The following PRKCA variants were observed in gnomAD, a reference collection of about 807,000 sequenced individuals.
The protein encoded by PRKCA is protein kinase C alpha type.
In PRKCA, 27 loss-of-function variants were observed where a neutral mutation model predicts 87.0. The ratio of observed to expected loss-of-function variants is 0.31; its 90% CI spans 0.23 to 0.43. The LOEUF is 0.43. PRKCA is among the 20% of genes least tolerant of loss of function. The pLI, the probability that PRKCA is intolerant of heterozygous loss-of-function variation, is 1.00. For missense variants in PRKCA, 518 were observed against 852.3 expected (o/e 0.61, Z 4.88); for synonymous variants, 329 against 311.1 (o/e 1.06, Z -0.61).
intron 13 of PRKCA, among the ~76,000 whole-genome samples, chr17:66,767,827 A>G (rs1974844447): frequency 6.6e-6 from 1 of 152,108 alleles, no homozygotes; most frequent in African/African-American, 2.4e-5. Flanking sequence ...AGCAGAGGAG[A>G]TTATGAAATG....
rs549435955 is a variant in PRKCA at position 66,448,194 on chromosome 17, T to C, written c.206-48007T>C. On this transcript the variant is annotated intron_variant, in intron 2 of 16. Transcript: ENST00000413366. The stretch of plus-strand genomic sequence containing the variant: ...TTGATATCGTGCTGTTATTTTGTTT[T>C]GTTGATAACATAGTGTGGACTTTGT... Among the ~76,000 whole-genome samples the C allele has an allele frequency of 1.7e-4, 26 of 152,346 alleles. No individual in the cohort carries two copies. In the South Asian group the frequency reaches 2.9e-3, roughly 17 times the overall value.
At position 66,804,937 on chromosome 17, in the gene PRKCA, C is replaced by T; in HGVS notation, c.*900C>T. 31 of 951,882 alleles carry T rather than the reference C, an allele frequency of 3.3e-5. No homozygotes were observed. Among genetic ancestry groups the T allele is most frequent in the Non-Finnish European group, 3.9e-5 (31 of 799,094 alleles). 59.0% of individuals were successfully genotyped at this position (951,882 alleles called of 1,614,324 possible). A position where few individuals can be genotyped will look rare whatever the true frequency, so the allele number is the denominator to read the frequency against. ...CACCCCCACACACACCAACATTTTG[C>T]TGCCTACCTTGTTATCCTTCTCAAG... On this transcript the variant is annotated 3_prime_UTR_variant, in exon 17 of 17. Transcript: ENST00000413366.
intron 2 of PRKCA, among the ~76,000 whole-genome samples, chr17:66,410,557 T>C (rs1911724188): frequency 6.6e-6 from 1 of 152,158 alleles, no homozygotes; most frequent in South Asian, 2.1e-4. Flanking sequence ...TCATTGACAT[T>C]GTTAGGTAGT....
At chr17:66,472,063 G>A (rs1915349400) in intron 2 of PRKCA, among the ~76,000 whole-genome samples, 1 of 152,188 alleles carries the variant, frequency 6.6e-6, no homozygotes, top group African/African-American at 2.4e-5. Flanking sequence ...CTGGGCTCAA[G>A]CAGTCCTTTC....
intron 2 of PRKCA, among the ~76,000 whole-genome samples, chr17:66,370,781 C>A (rs1411513075): frequency 6.6e-6 from 1 of 152,032 alleles, no homozygotes; most frequent in African/African-American, 2.4e-5. Flanking sequence ...AACTCCTGGA[C>A]TCAAGCGATC....
At chr17:66,334,280 CTG>C (rs1906525717) in intron 2 of PRKCA, among the ~76,000 whole-genome samples, 1 of 151,940 alleles carries the variant, frequency 6.6e-6, no homozygotes, top group South Asian at 2.1e-4. Context: ...ACCAAAAAAA[CTG>C]TAATATAGTA....
At chr17:66,441,673 C>T (rs753401221) in intron 2 of PRKCA, among the ~76,000 whole-genome samples, 2 of 152,134 alleles carry the variant, frequency 1.3e-5, no homozygotes, top group African/African-American at 2.4e-5. Flanking sequence ...AAAGGAGGCA[C>T]GGATAGCTGC....
At chr17:66,668,890 G>A (rs567250952) in intron 5 of PRKCA, among the ~76,000 whole-genome samples, 144 of 152,172 alleles carry the variant, frequency 9.5e-4, no homozygotes, top group African/African-American at 3.4e-3. Flanking sequence ...ATCACTTGAG[G>A]CCAGAAGTTT....
intron 2 of PRKCA, among the ~76,000 whole-genome samples, chr17:66,463,625 G>C (rs1914957453): frequency 6.6e-6 from 1 of 152,154 alleles, no homozygotes; most frequent in South Asian, 2.1e-4. Context: ...TCGATCTCCT[G>C]ACCTCATGAT....
intron 8 of PRKCA, among the ~76,000 whole-genome samples, chr17:66,719,651 CA>C (rs1441677560): frequency 6.6e-6 from 1 of 152,220 alleles, no homozygotes; most frequent in Non-Finnish European, 1.5e-5. Flanking sequence ...CCTGTAATCC[CA>C]GCTACTCAGG....
chr17:66,713,218 A>AT (rs1027703407), intron 8 of PRKCA, among the ~76,000 whole-genome samples: 2 of 151,736 alleles, frequency 1.3e-5, no homozygotes, highest in Admixed American at 6.6e-5. Context: ...TGCCCGGCCA[A>AT]TTTTTTTACT....
intron 2 of PRKCA, chr17:66,398,255 G>A (rs762049656): frequency 1.3e-5 from 2 of 152,146 alleles, no homozygotes; most frequent in Non-Finnish European, 1.5e-5. Flanking sequence ...TCAGAGTAAC[G>A]CTTAAAACCA....
chr17:66,612,292 A>C (rs963402701), intron 3 of PRKCA, among the ~76,000 whole-genome samples: 1 of 150,568 alleles, frequency 6.6e-6, no homozygotes, highest in African/African-American at 2.5e-5. Context: ...GAGGCAGGAG[A>C]ATTGCTTGAA....
intron 8 of PRKCA, among the ~76,000 whole-genome samples, chr17:66,716,624 T>G (rs934170865): frequency 1.4e-4 from 21 of 151,712 alleles, no homozygotes; most frequent in Admixed American, 5.9e-4. Flanking sequence ...AGATTAGCGA[T>G]CCTAACAGAT....
chr17:66,710,385 T>C (rs918790799), intron 8 of PRKCA, among the ~76,000 whole-genome samples: 4 of 151,496 alleles, frequency 2.6e-5, no homozygotes, highest in African/African-American at 7.4e-5. Flanking sequence ...TAGCACTTCC[T>C]GTGTGTAACA....
chr17:66,487,589 A>G (rs1916039293), intron 2 of PRKCA, among the ~76,000 whole-genome samples: 2 of 152,044 alleles, frequency 1.3e-5, no homozygotes, highest in Non-Finnish European at 2.9e-5. Context: ...TGTTTGGGAG[A>G]GTCCATAGTG....
Position 66,619,487 on chromosome 17 carries a change from C to A in PRKCA, c.289-21868C>A, listed in dbSNP as rs189613793. Among the ~76,000 whole-genome samples the A allele has an allele frequency of 2.5e-3, 384 of 152,318 alleles. 6 individuals carry two copies. The highest frequency in any genetic ancestry group is 6.0e-4 in the Non-Finnish European group (41 of 68,028). The stretch of plus-strand genomic sequence containing the variant: ...AAGGAAGTGACAGTTGGATGCCTGG[C>A]ACTTTCACATGGCCTATTTTCCCCA... On this transcript the variant is annotated intron_variant, in intron 3 of 16. Transcript: ENST00000413366.
intron 2 of PRKCA, among the ~76,000 whole-genome samples, chr17:66,326,603 A>G (rs938948679): frequency 6.6e-6 from 1 of 152,218 alleles, no homozygotes; most frequent in Non-Finnish European, 1.5e-5. Context: ...CTAGGAGCGC[A>G]GACAACTCAG....
chr17:66,726,882 G>T (rs762620837), intron 8 of PRKCA, among the ~76,000 whole-genome samples: 9 of 152,042 alleles, frequency 5.9e-5, no homozygotes, highest in Admixed American at 3.9e-4. Context: ...CCACCACCAC[G>T]TTGGCTAATT....
Sources: gnomAD v4.1 joint callset for allele counts (sites outside exome capture counted in the v4.1 genomes callset) on GRCh38, gnomAD v4.1.1 for gene constraint, MANE v1.5 for transcripts, NCBI Gene and HGNC (gene_info 2026-07-23, HGNC 2026-07-21) for gene names.